Variants in SEMA3C observed in about 807,000 individuals in gnomAD.
SEMA3C encodes the protein semaphorin-3C.
SEMA3C carries 47 observed loss-of-function variants against 89.4 expected under a neutral mutation model. The ratio of observed to expected loss-of-function variants is 0.53; its 90% confidence interval spans 0.42 to 0.67. The LOEUF (loss-of-function observed/expected upper bound fraction) is 0.67. SEMA3C is among the 30% of genes least tolerant of loss of function. SEMA3C has a pLI of 0.00. For missense variants in SEMA3C, 839 were observed against 929.1 expected, an observed-to-expected ratio of 0.90 and a Z score of 1.26; for synonymous variants, 310 against 320.2, an observed-to-expected ratio of 0.97 and a Z score of 0.34.
At chr7:80,862,998 G>A (rs1305563150) in intron 2 of SEMA3C, among the ~76,000 whole-genome samples, 2 of 151,972 alleles carry the variant, frequency 1.3e-5, no homozygotes, top group Non-Finnish European at 2.9e-5. Context: ...TTCTAAAAGA[G>A]AACACTGGAA....
Position 80,743,878 on chromosome 7 carries a change from G to A in SEMA3C, c.*1016C>T, listed in dbSNP as rs1787737157. On this transcript the variant is annotated 3_prime_UTR_variant, in exon 18 of 18. Transcript: ENST00000265361. ...ACTTAAAAATCAGTATGATATCTGA[G>A]ACTGGTTTTAATAAAAGGAAGAATC... is the stretch of plus-strand genomic sequence containing the variant. 1 of 151,978 alleles carries A rather than the reference G, an allele frequency of 6.6e-6. No homozygotes were observed. The highest frequency in any genetic ancestry group is 2.4e-5 in the African/African-American group (1 of 41,420). The allele number at this position is 151,978 out of a possible 1,614,324, so 9.4% of individuals were successfully genotyped here. A position where few individuals can be genotyped will look rare whatever the true frequency, so the allele number is the denominator to read the frequency against.
At chr7:80,870,552 C>A (rs965007856) in intron 2 of SEMA3C, among the ~76,000 whole-genome samples, 1 of 152,136 alleles carries the variant, frequency 6.6e-6, no homozygotes, top group Non-Finnish European at 1.5e-5. Flanking sequence ...ACAGACAGGG[C>A]GTACCACGTA....
At chr7:80,862,726 G>T (rs1329969993) in intron 2 of SEMA3C, among the ~76,000 whole-genome samples, 2 of 152,154 alleles carry the variant, frequency 1.3e-5, no homozygotes, top group Non-Finnish European at 2.9e-5. Context: ...AAACAGCGTG[G>T]TACTGGTATA....
intron 1 of SEMA3C, among the ~76,000 whole-genome samples, chr7:80,917,925 T>G (rs1289875595): frequency 6.6e-6 from 1 of 152,166 alleles, no homozygotes; most frequent in Non-Finnish European, 1.5e-5. Context: ...ATAAAAAGAA[T>G]TAAATGGAAT....
chr7:80,785,356 A>G (rs1288250775), intron 12 of SEMA3C, among the ~76,000 whole-genome samples: 1 of 152,178 alleles, frequency 6.6e-6, no homozygotes, highest in East Asian at 1.9e-4. Flanking sequence ...ATCTTCATTG[A>G]GTTCCCCTGA....
At chr7:80,916,162 C>A (rs1405032634) in intron 2 of SEMA3C, among the ~76,000 whole-genome samples, 1 of 152,154 alleles carries the variant, frequency 6.6e-6, no homozygotes, top group Admixed American at 6.5e-5. Context: ...AGGTCCTTTT[C>A]AATTAATTAG....
intron 2 of SEMA3C, among the ~76,000 whole-genome samples, chr7:80,887,815 T>C (rs1791518848): frequency 6.6e-6 from 1 of 152,190 alleles, no homozygotes; most frequent in African/African-American, 2.4e-5. Flanking sequence ...GGCAATATTC[T>C]GGTGTTAGAC....
intron 2 of SEMA3C, among the ~76,000 whole-genome samples, chr7:80,916,448 C>CA (rs1337057702): frequency 7.2e-5 from 11 of 152,142 alleles, no homozygotes; most frequent in African/African-American, 2.2e-4. Flanking sequence ...AATTATTTTA[C>CA]AAAAAGCAGC....
intron 5 of SEMA3C, 105 bp from the exon 6 acceptor site, chr7:80,810,806 T>C: frequency 1.2e-6 from 1 of 853,826 alleles, no homozygotes; most frequent in Non-Finnish European, 1.9e-6. Context: ...TGCTTTCTAG[T>C]TGGTTGCTTA....
At chr7:80,798,867 T>C (rs866020424) in intron 10 of SEMA3C, among the ~76,000 whole-genome samples, 4 of 152,204 alleles carry the variant, frequency 2.6e-5, no homozygotes, top group Admixed American at 2.6e-4. Context: ...CATTGTCCTA[T>C]GGCAGGTTGG....
chr7:80,807,089 A>G lies in SEMA3C; in HGVS notation c.539-1331T>C, dbSNP rs559539260. 1.6e-3 allele frequency among the ~76,000 whole-genome samples: 240 copies of G among 151,866 alleles called. 1 individual carries two copies. The highest frequency in any genetic ancestry group is 5.6e-3 in the African/African-American group (233 of 41,422). On this transcript the variant is annotated intron_variant, in intron 6 of 17. Coordinates refer to ENST00000265361, the MANE Select transcript of SEMA3C (RefSeq NM_006379.5). ...ATGAAGGCTTTTTTTTTTCTTTACC[A>G]TTTTAGCTTCTTTAAAATTCTAAGA...
At chr7:80,823,862 A>T (rs1789811271) in intron 4 of SEMA3C, among the ~76,000 whole-genome samples, 1 of 152,160 alleles carries the variant, frequency 6.6e-6, no homozygotes, top group Admixed American at 6.5e-5. Context: ...TTAGAGTATG[A>T]ATAAAATATT....
intron 4 of SEMA3C, among the ~76,000 whole-genome samples, chr7:80,819,107 A>C (rs1789683072): frequency 2.0e-5 from 3 of 152,174 alleles, no homozygotes; most frequent in African/African-American, 7.2e-5. Flanking sequence ...CTAATACTTC[A>C]TTTGAAAATG....
chr7:80,820,043 C>A (rs956073173), intron 4 of SEMA3C, among the ~76,000 whole-genome samples: 5 of 148,736 alleles, frequency 3.4e-5, no homozygotes, highest in African/African-American at 1.2e-4. Flanking sequence ...TGCTAGGTAC[C>A]ATGTATGCTC....
intron 12 of SEMA3C, among the ~76,000 whole-genome samples, chr7:80,766,071 T>C (rs574704080): frequency 6.6e-5 from 10 of 152,238 alleles, no homozygotes; most frequent in Non-Finnish European, 1.5e-4. Flanking sequence ...GTAACTGTGA[T>C]GGACTTTCGA....
intron 2 of SEMA3C, among the ~76,000 whole-genome samples, chr7:80,891,632 T>G (rs1791616744): frequency 6.6e-6 from 1 of 152,076 alleles, no homozygotes; most frequent in Admixed American, 6.6e-5. Context: ...AATTAAAAAA[T>G]ATTTTCAAAT....
chr7:80,759,994 C>T (rs920496388), intron 14 of SEMA3C, among the ~76,000 whole-genome samples: 1 of 152,052 alleles, frequency 6.6e-6, no homozygotes. Flanking sequence ...ATTAAGCGTA[C>T]TATTTTCTGT....
At position 80,828,759 on chromosome 7, in the gene SEMA3C, C is replaced by A. The variant is rs754652756; in HGVS notation, c.104-14G>T. 8 of 1,597,072 alleles carry A rather than the reference C, an allele frequency of 5.0e-6. No individual in the cohort carries two copies. In the African/African-American group the frequency reaches 9.4e-5, roughly 19 times the overall value. The stretch of plus-strand genomic sequence containing the variant: ...TTTCTCGAAGTTCTGAAAGAGTGAA[C>A]AGCACAAGTGTAGATACAGTATCCT... On this transcript the variant is annotated splice_polypyrimidine_tract_variant and intron_variant, in intron 2 of 17. Coordinates refer to ENST00000265361, the MANE Select transcript of SEMA3C (RefSeq NM_006379.5).
At chr7:80,919,424 G>C, upstream of SEMA3C, 1 of 960,264 alleles carries the variant, frequency 1.0e-6, no homozygotes, top group Non-Finnish European at 1.2e-6. Flanking sequence ...ACTTACACAG[G>C]CTTTGCCTGG....
Sources: gnomAD v4.1 joint callset for allele counts (sites outside exome capture counted in the v4.1 genomes callset) on GRCh38, gnomAD v4.1.1 for gene constraint, MANE v1.5 for transcripts, NCBI Gene and HGNC (gene_info 2026-07-23, HGNC 2026-07-21) for gene names.